Variants in NCKAP5 observed in about 807,000 individuals in gnomAD.
NCKAP5 encodes the protein nck-associated protein 5.
In NCKAP5, 92 loss-of-function variants were observed where a neutral mutation model predicts 167.0. That is an observed-to-expected ratio of 0.55 (90% CI 0.47 to 0.66). NCKAP5 has a LOEUF of 0.66. Ranked by LOEUF, NCKAP5 falls within the 30% of genes least tolerant of loss-of-function variation. The probability of loss-of-function intolerance (pLI) is 0.00; values close to 1 mark genes in which losing one functional copy is unlikely to be tolerated. For missense variants in NCKAP5, 2,378 were observed against 2,315.0 expected (o/e 1.03, Z -0.56); for synonymous variants, 891 against 877.4 (o/e 1.02, Z -0.27).
At chr2:133,129,299 T>A (rs1341676558) in intron 6 of NCKAP5, among the ~76,000 whole-genome samples, 1 of 150,018 alleles carries the variant, frequency 6.7e-6, no homozygotes, top group African/African-American at 2.4e-5. Context: ...CCTGTGTCCA[T>A]GTGTGCTCAT....
chr2:133,140,041 T>C (rs2082939747), intron 5 of NCKAP5, among the ~76,000 whole-genome samples: 1 of 152,190 alleles, frequency 6.6e-6, no homozygotes, highest in Non-Finnish European at 1.5e-5. Context: ...ACTCAACCAG[T>C]GGGTCCTTTC....
chr2:132,968,038 C>A (rs2076722151), intron 7 of NCKAP5, among the ~76,000 whole-genome samples: 1 of 152,088 alleles, frequency 6.6e-6, no homozygotes, highest in South Asian at 2.1e-4. Flanking sequence ...GCCAGGCCTG[C>A]CTTGCTGGCC....
intron 5 of NCKAP5, among the ~76,000 whole-genome samples, chr2:133,189,047 TAAAG>T (rs2085085279): frequency 6.6e-6 from 1 of 151,558 alleles, no homozygotes; most frequent in Non-Finnish European, 1.5e-5. Flanking sequence ...GCAAGACTAA[TAAAG>T]AAGAAAAGAG....
intron 15 of NCKAP5, among the ~76,000 whole-genome samples, chr2:132,779,380 A>C (rs1046321982): frequency 2.6e-5 from 4 of 152,206 alleles, no homozygotes; most frequent in African/African-American, 4.8e-5. Context: ...GCCTCTGATA[A>C]GGGGCTCTGC....
At chr2:133,513,208 T>A (rs982604735) in intron 3 of NCKAP5, among the ~76,000 whole-genome samples, 8 of 152,090 alleles carry the variant, frequency 5.3e-5, no homozygotes, top group African/African-American at 1.7e-4. Flanking sequence ...ATCGTTAAGG[T>A]ATGGGAAAAG....
In NCKAP5 at chr2:132,782,212, T is replaced by A; in HGVS notation, c.4599A>T (p.Glu1533Asp). Residue 1533 changes from glutamate to aspartate, a missense_variant, in exon 14 of 20, where the codon GAA (glutamate) becomes GAT (aspartate). Physicochemically the swap from Glu to Asp is conservative, Grantham distance 45. Around this residue, in one of 3 missense-constraint regions of NCKAP5, gnomAD observed 1,325 missense variants for 1,274.5 expected, o/e 1.04. Coordinates refer to ENST00000409261, the MANE Select transcript of NCKAP5 (RefSeq NM_207363.3). ...ACCCCAAGACTTTTGCATCTTTCTT[T>A]TCTACTTTGGTTTTGGAGATGTCCA... ...RKMDISKTKV[E>D]KKDAKVLGFG... 1 of 1,613,864 alleles carries A rather than the reference T, an allele frequency of 6.2e-7. No homozygotes were observed. Among genetic ancestry groups the A allele is most frequent in the East Asian group, 2.2e-5 (1 of 44,884 alleles).
chr2:133,603,985 G>T, the NCKAP5 span, among the ~76,000 whole-genome samples: 1 of 152,342 alleles, frequency 6.6e-6, no homozygotes, highest in South Asian at 2.1e-4. Flanking sequence ...GTGTCCTGCA[G>T]CCCTTACTGC....
intron 3 of NCKAP5, among the ~76,000 whole-genome samples, chr2:133,447,158 A>G (rs1389007280): frequency 6.6e-6 from 1 of 152,166 alleles, no homozygotes; most frequent in Non-Finnish European, 1.5e-5. Context: ...TCTACCCGCC[A>G]TCAATTCACT....
chr2:133,467,657 G>T (rs1034058031), intron 3 of NCKAP5, among the ~76,000 whole-genome samples: 14 of 150,220 alleles, frequency 9.3e-5, no homozygotes, highest in Non-Finnish European at 2.1e-4. Context: ...TTTTTGGTTG[G>T]TAAGCTATTG....
At position 132,731,860 on chromosome 2, in the gene NCKAP5, G is replaced by A. The variant is rs1162095593; in HGVS notation, c.5320C>T (p.Pro1774Ser). Residue 1774 changes from proline (P) to serine (S), a missense_variant, in exon 17 of 20, where the codon CCT (proline) becomes TCT (serine). Pro to Ser is a moderately conservative substitution (Grantham distance 74). Transcript: ENST00000409261. ...GGGCGCTGGCCGTCTGTGGAGGAAGGCACTTCACGTTCAAGGGTTTGGGCT... is the reference window on the plus strand; with the variant it reads ...GGGCGCTGGCCGTCTGTGGAGGAAGACACTTCACGTTCAAGGGTTTGGGCT... ...MRAQTLEREV[P>S]SSTDGQRPAD... 1 of 1,613,958 alleles carries A rather than the reference G, an allele frequency of 6.2e-7. No homozygotes were observed. Among genetic ancestry groups the A allele is most frequent in the South Asian group, 1.1e-5 (1 of 91,082 alleles).
intron 8 of NCKAP5, among the ~76,000 whole-genome samples, chr2:132,902,735 G>A (rs186216302): frequency 4.6e-4 from 70 of 152,350 alleles, no homozygotes; most frequent in Non-Finnish European, 7.6e-4. Context: ...CTCATGGCTG[G>A]TGGACATTGA....
intron 3 of NCKAP5, among the ~76,000 whole-genome samples, chr2:133,470,012 A>C (rs1429924475): frequency 6.6e-6 from 1 of 152,118 alleles, no homozygotes; most frequent in African/African-American, 2.4e-5. Context: ...CTCTCAGCTC[A>C]ACAAAGTCAT....
intron 11 of NCKAP5, among the ~76,000 whole-genome samples, chr2:132,854,635 T>C (rs1210172832): frequency 6.6e-6 from 1 of 152,238 alleles, no homozygotes; most frequent in Non-Finnish European, 1.5e-5. Flanking sequence ...AGGATTCCAC[T>C]TGCCCCACGC....
At chr2:133,291,166 T>C (rs1222024680) in intron 4 of NCKAP5, among the ~76,000 whole-genome samples, 1 of 152,210 alleles carries the variant, frequency 6.6e-6, no homozygotes, top group Non-Finnish European at 1.5e-5. Context: ...TGGGTGAAAC[T>C]TTATGTTTGA....
At chr2:133,004,126 G>A (rs542097942) in intron 6 of NCKAP5, among the ~76,000 whole-genome samples, 1 of 152,198 alleles carries the variant, frequency 6.6e-6, no homozygotes, top group Non-Finnish European at 1.5e-5. Context: ...CACAAAGAGA[G>A]GGGGAGGGAG....
At chr2:132,932,481 G>C (rs189191227) in intron 8 of NCKAP5, among the ~76,000 whole-genome samples, 72 of 152,216 alleles carry the variant, frequency 4.7e-4, no homozygotes, top group African/African-American at 1.7e-3. Context: ...AAGAAGAGTA[G>C]AACTGGCCAC....
At chr2:132,827,300 G>A (rs191766585) in intron 11 of NCKAP5, among the ~76,000 whole-genome samples, 10 of 152,170 alleles carry the variant, frequency 6.6e-5, no homozygotes, top group Non-Finnish European at 7.4e-5. Context: ...CCTTTTAAAT[G>A]GATAATCCAG....
At chr2:132,971,459 T>C (rs764777396) in intron 7 of NCKAP5, among the ~76,000 whole-genome samples, 2 of 152,128 alleles carry the variant, frequency 1.3e-5, no homozygotes, top group Non-Finnish European at 2.9e-5. Context: ...GAGAAGTCAC[T>C]GAATGGAATG....
chr2:133,548,964 G>A (rs1687013907), intron 2 of NCKAP5, among the ~76,000 whole-genome samples: 1 of 151,874 alleles, frequency 6.6e-6, no homozygotes, highest in African/African-American at 2.4e-5. Context: ...ACCCATCAGT[G>A]TGCTGTATTC....
Sources: gnomAD v4.1 joint callset for allele counts (sites outside exome capture counted in the v4.1 genomes callset) on GRCh38, gnomAD v4.1.1 for gene constraint, gnomAD v4.1.1 regional missense constraint, MANE v1.5 for transcripts, NCBI Gene and HGNC (gene_info 2026-07-23, HGNC 2026-07-21) for gene names.